Variants in ANKRD44 observed in about 807,000 individuals in gnomAD.
ANKRD44 encodes ankyrin repeat domain 44, also known as serine/threonine-protein phosphatase 6 regulatory ankyrin repeat subunit B.
Under a neutral mutation model 116.0 loss-of-function variants are expected in ANKRD44, and 35 were observed. That is an observed-to-expected ratio of 0.30 (90% CI 0.23 to 0.40). The LOEUF (loss-of-function observed/expected upper bound fraction) is 0.40. Among genes scored for constraint, ANKRD44 ranks in the 10% least tolerant of loss-of-function variants. ANKRD44 has a pLI of 1.00. For missense variants in ANKRD44, 1,014 were observed against 1,242.6 expected (o/e 0.82, Z 2.77); for synonymous variants, 435 against 461.8 (o/e 0.94, Z 0.74).
At chr2:197,032,125 G>T (rs1328228776) in intron 16 of ANKRD44, among the ~76,000 whole-genome samples, 2 of 152,076 alleles carry the variant, frequency 1.3e-5, no homozygotes, top group African/African-American at 4.8e-5. Flanking sequence ...TTACATTTTT[G>T]AGAGTGTTCC....
chr2:197,083,990 A>C (rs2077860590), intron 13 of ANKRD44, among the ~76,000 whole-genome samples: 1 of 152,136 alleles, frequency 6.6e-6, no homozygotes, highest in Admixed American at 6.5e-5. Context: ...TTGCAAGCCC[A>C]TCCTATTGGC....
chr2:197,139,362 T>C (rs1045757189), intron 3 of ANKRD44, among the ~76,000 whole-genome samples: 2 of 152,232 alleles, frequency 1.3e-5, no homozygotes, highest in Admixed American at 6.5e-5. Context: ...TCTGTATATA[T>C]AAACAGATGT....
At chr2:197,246,361 T>TTTTTTTC (rs1371416832) in intron 1 of ANKRD44, among the ~76,000 whole-genome samples, 1 of 133,432 alleles carries the variant, frequency 7.5e-6, no homozygotes, top group East Asian at 2.2e-4. Context: ...TTTTTTTTTT[T>TTTTTTTC]TTTTTTTTTT....
In ANKRD44 at chr2:197,248,749, C is replaced by T. The variant is rs896252188; in HGVS notation, c.28-61643G>A. Among the ~76,000 whole-genome samples, 11 of 151,934 alleles carry T rather than the reference C, an allele frequency of 7.2e-5. No individual in the cohort carries two copies. The South Asian group carries it at 2.3e-3, about 32-fold the overall frequency. Reference sequence around the variant, plus strand: ...CCTTGCTGCAAACATAGGAGGCTCTCTGGGGAGACGAGGGGGAGGAAGTCA... The same window carrying T: ...CCTTGCTGCAAACATAGGAGGCTCTTTGGGGAGACGAGGGGGAGGAAGTCA... On this transcript the variant is annotated intron_variant, in intron 1 of 27. Transcript: ENST00000282272.
intron 16 of ANKRD44, among the ~76,000 whole-genome samples, chr2:197,067,236 G>C (rs1373648407): frequency 6.6e-6 from 1 of 151,990 alleles, no homozygotes; most frequent in African/African-American, 2.4e-5. Flanking sequence ...GCCATATGTA[G>C]AAAGCTGAAA....
intron 1 of ANKRD44, among the ~76,000 whole-genome samples, chr2:197,274,121 T>A (rs1446188761): frequency 6.6e-6 from 1 of 150,668 alleles, no homozygotes; most frequent in Admixed American, 6.6e-5. Context: ...AATGAATGAA[T>A]GAGAACTGTC....
intron 1 of ANKRD44, among the ~76,000 whole-genome samples, chr2:197,230,623 G>C (rs549689262): frequency 2.0e-5 from 3 of 152,284 alleles, no homozygotes; most frequent in African/African-American, 7.2e-5. Context: ...AAGGGAGCAG[G>C]AGAGAGTATC....
At chr2:196,970,441 T>C (rs1166440501) in intron 21 of ANKRD44, among the ~76,000 whole-genome samples, 1 of 152,230 alleles carries the variant, frequency 6.6e-6, no homozygotes. Context: ...CTTTTACTCT[T>C]CCTAAAACTG....
chr2:197,137,353 G>C (rs1285584446), intron 3 of ANKRD44, among the ~76,000 whole-genome samples: 1 of 152,178 alleles, frequency 6.6e-6, no homozygotes, highest in East Asian at 1.9e-4. Context: ...AGGACAGAGA[G>C]TGGAGAAACA....
At chr2:197,156,192 A>G (rs1018942677) in intron 2 of ANKRD44, among the ~76,000 whole-genome samples, 1 of 152,062 alleles carries the variant, frequency 6.6e-6, no homozygotes, top group African/African-American at 2.4e-5. Context: ...CAAAAATACA[A>G]AAAATTAGCC....
intron 15 of ANKRD44, among the ~76,000 whole-genome samples, 155 bp from the exon 16 acceptor site, chr2:197,078,969 T>TTGTGTGTGTGTGTGTG (rs59690082): frequency 1.2e-4 from 18 of 147,114 alleles, no homozygotes; most frequent in Non-Finnish European, 1.9e-4. Context: ...GTGTTGAAAA[T>TTGTGTGTGTGTGTGTG]TGTGTGTGTG....
At chr2:197,221,205 C>T (rs948999231) in intron 1 of ANKRD44, among the ~76,000 whole-genome samples, 1 of 149,898 alleles carries the variant, frequency 6.7e-6, no homozygotes, top group Non-Finnish European at 1.5e-5. Context: ...GAGCCGAGAT[C>T]ATGGCACTGC....
intron 2 of ANKRD44, among the ~76,000 whole-genome samples, chr2:197,181,618 CA>C (rs2080507931): frequency 6.6e-6 from 1 of 152,120 alleles, no homozygotes; most frequent in African/African-American, 2.4e-5. Context: ...TGCCATGAAC[CA>C]TTAGCAATGT....
intron 1 of ANKRD44, chr2:197,301,330 G>A (rs367555412): frequency 6.6e-6 from 1 of 151,932 alleles, no homozygotes; most frequent in African/African-American, 2.4e-5. Flanking sequence ...AACACCCCTC[G>A]ATTGCTTGAA....
chr2:196,992,003 T>G (rs2075926940), intron 27 of ANKRD44, among the ~76,000 whole-genome samples: 1 of 152,242 alleles, frequency 6.6e-6, no homozygotes. Flanking sequence ...TATTCTCATT[T>G]AGACTCAATG....
chr2:197,007,885 T>C lies in ANKRD44; in HGVS notation c.2051A>G (p.Asp684Gly). 6.2e-7 allele frequency: 1 copy of C among 1,614,046 alleles called. No homozygotes were observed. Among genetic ancestry groups the C allele is most frequent in the South Asian group, 1.1e-5 (1 of 91,080 alleles). The change falls in exon 20 of 28, where the codon GAC becomes GGC. Residue 684 changes from aspartate (D) to glycine (G), a missense_variant. Physicochemically the swap from Asp to Gly is moderately conservative, Grantham distance 94. Coordinates refer to ENST00000282272, the MANE Select transcript of ANKRD44 (RefSeq NM_001195144.2). ...LMLAVAYGHIDAVSLLLEKEA... is the reference protein window; with the variant it reads ...LMLAVAYGHIGAVSLLLEKEA... Reference sequence around the variant, plus strand: ...CTTTTCAAGTAACAATGAAACAGCGTCAATATGTCCATATGCTACTGCAAG... The same window carrying C: ...CTTTTCAAGTAACAATGAAACAGCGCCAATATGTCCATATGCTACTGCAAG...
intron 16 of ANKRD44, among the ~76,000 whole-genome samples, chr2:197,050,170 C>T (rs1394760889): frequency 1.3e-5 from 2 of 152,064 alleles, no homozygotes; most frequent in African/African-American, 4.8e-5. Flanking sequence ...AGGCTACACA[C>T]CTTTAAATGA....
intron 2 of ANKRD44, among the ~76,000 whole-genome samples, chr2:197,172,177 T>C (rs1489129027): frequency 6.6e-6 from 1 of 151,908 alleles, no homozygotes; most frequent in Non-Finnish European, 1.5e-5. Flanking sequence ...ACTTTTGCAT[T>C]TTTAGTAGAG....
At chr2:197,295,280 G>A (rs2083684060) in intron 1 of ANKRD44, among the ~76,000 whole-genome samples, 1 of 152,154 alleles carries the variant, frequency 6.6e-6, no homozygotes, top group African/African-American at 2.4e-5. Flanking sequence ...TAGAGCAAGA[G>A]GTTGGCAAAT....
Sources: gnomAD v4.1 joint callset for allele counts (sites outside exome capture counted in the v4.1 genomes callset) on GRCh38, gnomAD v4.1.1 for gene constraint, MANE v1.5 for transcripts, NCBI Gene and HGNC (gene_info 2026-07-23, HGNC 2026-07-21) for gene names.